MTRF1: variants seen among roughly 807,000 people sequenced by gnomAD.
MTRF1 encodes peptide chain release factor 1, mitochondrial.
MTRF1 carries 51 observed loss-of-function variants against 62.9 expected under a neutral mutation model. That is an observed-to-expected ratio of 0.81 (90% CI 0.65 to 1.02). MTRF1 has a LOEUF of 1.02. MTRF1 is among the 50% of genes least tolerant of loss of function. The pLI is 0.00. For synonymous variants in MTRF1, 158 were observed against 181.9 expected (o/e 0.87, Z 1.06); for missense variants, 446 against 530.0 (o/e 0.84, Z 1.56).
At chr13:41,220,580 A>G (rs1278002949) in intron 9 of MTRF1, 7 of 1,288,864 alleles carry the variant, frequency 5.4e-6, no homozygotes, top group Non-Finnish European at 7.1e-6. Flanking sequence ...GATCTCACAG[A>G]ATCCAAGGAT....
chr13:41,261,841 T>A (rs1315357819), intron 1 of MTRF1: 3 of 973,050 alleles, frequency 3.1e-6, no homozygotes, highest in East Asian at 2.3e-4. Flanking sequence ...GGAAGAAAAG[T>A]TCAAGTATTA....
At chr13:41,257,120 C>T (rs932568739) in intron 2 of MTRF1, among the ~76,000 whole-genome samples, 4 of 152,160 alleles carry the variant, frequency 2.6e-5, no homozygotes, top group East Asian at 1.9e-4. Context: ...CATGGGACAG[C>T]ACGAATATAT....
intron 5 of MTRF1, among the ~76,000 whole-genome samples, chr13:41,243,655 T>C (rs1423420753): frequency 6.6e-6 from 1 of 152,152 alleles, no homozygotes; most frequent in Admixed American, 6.5e-5. Flanking sequence ...TAGGGTAAAA[T>C]CTCAGACCTT....
At chr13:41,262,507 A>C (rs2040582688) in intron 1 of MTRF1, 1 of 152,182 alleles carries the variant, frequency 6.6e-6, no homozygotes, top group South Asian at 2.1e-4. Flanking sequence ...GATTAGTTTA[A>C]AAAATTACAG....
chr13:41,246,049 CT>C (rs59343409), intron 5 of MTRF1, among the ~76,000 whole-genome samples: 96,650 of 151,830 alleles, frequency 0.64, 31,020 homozygotes, highest in Admixed American at 0.66. Context: ...AGCCCGAACA[CT>C]TTACTCATTA....
rs1393846484 is a variant in MTRF1, at chr13:41,260,557, T to C, written c.351A>G (p.Ala117=). The C allele has an allele frequency of 1.2e-6, 2 of 1,614,072 alleles. No individual in the cohort carries two copies. The highest frequency in any genetic ancestry group is 1.7e-6 in the Non-Finnish European group (2 of 1,180,032). ...NRRHAELAPL[A]AIYQEIQETE... ...TCTCCTGAATTTCTTGGTAAATGGC[T>C]GCAAGAGGTGCCAACTCAGCATGCC... Residue 117 remains alanine (A), a synonymous_variant, in exon 2 of 10, where the codon GCA becomes GCG. Coordinates refer to ENST00000379480, the MANE Select transcript of MTRF1 (RefSeq NM_004294.4).
chr13:41,226,291 G>T, intron 8 of MTRF1, 141 bp downstream of exon 8: 1 of 846,340 alleles, frequency 1.2e-6, no homozygotes, highest in Non-Finnish European at 1.8e-6. Context: ...CATTTGTACT[G>T]AGTTACTGCT....
chr13:41,217,294 A>G, intron 9 of MTRF1, 66 bp from the exon 10 acceptor site: 2 of 902,988 alleles, frequency 2.2e-6, no homozygotes, highest in Non-Finnish European at 3.5e-6. Flanking sequence ...TTTAGTGTTT[A>G]TTTATTTAAT....
chr13:41,289,139 A>T, the MTRF1 span, among the ~76,000 whole-genome samples: 1 of 152,222 alleles, frequency 6.6e-6, no homozygotes, highest in Non-Finnish European at 1.5e-5. Flanking sequence ...ATTTAAAAAA[A>T]AATAATTTTT....
chr13:41,301,916 G>A, the MTRF1 span, among the ~76,000 whole-genome samples: 106 of 152,246 alleles, frequency 7.0e-4, no homozygotes, highest in African/African-American at 2.4e-3. Flanking sequence ...CTTCTCTGGT[G>A]GTTGATCTTT....
At chr13:41,226,360 A>C in intron 8 of MTRF1, 72 bp downstream of exon 8, 1 of 1,464,984 alleles carries the variant, frequency 6.8e-7, no homozygotes, top group Non-Finnish European at 9.3e-7. Context: ...AGCAAGAACA[A>C]ACACTGCATT....
the MTRF1 span, among the ~76,000 whole-genome samples, chr13:41,301,978 TA>T: frequency 6.6e-6 from 1 of 152,280 alleles, no homozygotes; most frequent in South Asian, 2.1e-4. Flanking sequence ...CAATTGTATT[TA>T]AACTTTCTTC....
At chr13:41,311,266 T>C in the MTRF1 span, 3 of 550,256 alleles carry the variant, frequency 5.5e-6, no homozygotes, top group East Asian at 6.6e-5. Context: ...GCTGCCATCT[T>C]GCAGTGCGCG....
the MTRF1 span, among the ~76,000 whole-genome samples, chr13:41,303,733 A>G: frequency 3.2e-3 from 487 of 152,350 alleles, 1 homozygote; most frequent in African/African-American, 0.01. Flanking sequence ...GGAACAGATT[A>G]ATAACGTTTA....
At chr13:41,219,834 A>C (rs1216492291) in intron 9 of MTRF1, among the ~76,000 whole-genome samples, 1 of 151,880 alleles carries the variant, frequency 6.6e-6, no homozygotes. Flanking sequence ...CCCCGTTTCT[A>C]CTAAAAATAC....
the MTRF1 span, among the ~76,000 whole-genome samples, chr13:41,291,390 G>T: frequency 6.6e-6 from 1 of 151,858 alleles, no homozygotes; most frequent in Non-Finnish European, 1.5e-5. Context: ...GTTGCCTAGG[G>T]ATATCTTGAA....
At chr13:41,273,818 T>C in the MTRF1 span, among the ~76,000 whole-genome samples, 13 of 152,010 alleles carry the variant, frequency 8.6e-5, no homozygotes, top group Middle Eastern at 3.4e-3. Context: ...GCCTGGGCAA[T>C]AAGAGTGAAA....
At chr13:41,288,836 T>C in the MTRF1 span, among the ~76,000 whole-genome samples, 1 of 152,206 alleles carries the variant, frequency 6.6e-6, no homozygotes, top group Non-Finnish European at 1.5e-5. Flanking sequence ...CGGAGACAAC[T>C]CGCAGTGTCA....
chr13:41,265,789 C>T (rs979881442), upstream of MTRF1, among the ~76,000 whole-genome samples: 9 of 152,136 alleles, frequency 5.9e-5, no homozygotes, highest in Admixed American at 1.3e-4. Flanking sequence ...TTCCCAATCT[C>T]GCAAGAGGCT....
Sources: allele counts gnomAD v4.1 joint callset (sites outside exome capture counted in the v4.1 genomes callset), GRCh38; gene constraint gnomAD v4.1.1; transcripts MANE v1.5; gene names NCBI Gene and HGNC (gene_info 2026-07-23, HGNC 2026-07-21).